MTSS1: variants seen among roughly 807,000 people sequenced by gnomAD.
MTSS1 encodes the protein MTSS I-BAR domain containing 1.
MTSS1 carries 18 observed loss-of-function variants against 79.0 expected under a neutral mutation model. The observed-to-expected ratio is 0.23, with a 90% CI of 0.16 to 0.34. MTSS1 has a LOEUF of 0.34. Among genes scored for constraint, MTSS1 ranks in the 10% least tolerant of loss-of-function variants. MTSS1 has a pLI of 1.00. For missense variants in MTSS1, 815 were observed against 986.2 expected, an observed-to-expected ratio of 0.83 and a Z score of 2.33; for synonymous variants, 341 against 368.6, an observed-to-expected ratio of 0.93 and a Z score of 0.86.
intron 4 of MTSS1, 143 bp downstream of exon 4, chr8:124,591,008 C>T: frequency 1.5e-6 from 1 of 656,860 alleles, no homozygotes. Context: ...TGGTATGCAG[C>T]AGATGCCTAA....
chr8:124,689,525 C>T (rs1377582737), intron 3 of MTSS1, among the ~76,000 whole-genome samples: 6 of 151,940 alleles, frequency 3.9e-5, no homozygotes, highest in African/African-American at 1.5e-4. Flanking sequence ...GCAGGCGGAT[C>T]ACCTGAGGTC....
At chr8:124,656,781 C>CAAAAAAAAAAAAAAA (rs59332225) in intron 3 of MTSS1, among the ~76,000 whole-genome samples, 33 of 51,338 alleles carry the variant, frequency 6.4e-4, no homozygotes, top group East Asian at 1.2e-3. Flanking sequence ...GACTCCATCT[C>CAAAAAAAAAAAAAAA]AAAAAAAAAA....
At chr8:124,599,600 C>A (rs983323774) in intron 3 of MTSS1, among the ~76,000 whole-genome samples, 1 of 151,814 alleles carries the variant, frequency 6.6e-6, no homozygotes, top group Non-Finnish European at 1.5e-5. Context: ...CCAAATATAA[C>A]AAATGTGAGT....
rs778518511 is a variant in MTSS1, at chr8:124,555,999, G to A, written c.1405-95C>T. 2.1e-5 allele frequency: 33 copies of A among 1,556,890 alleles called. No homozygotes were observed. The Middle Eastern group carries it at 5.0e-4, about 24-fold the overall frequency. ...CCCGTGAGCACTACATGTCTGTGGG[G>A]CCAGGGGGCTATTGACTTGCTTGGG... On this transcript the variant is annotated intron_variant, in intron 12 of 13. Transcript: ENST00000518547.
chr8:124,558,971 G>C (rs1173731503), intron 10 of MTSS1: 1 of 1,193,766 alleles, frequency 8.4e-7, no homozygotes, highest in Non-Finnish European at 1.1e-6. Flanking sequence ...CATATACACA[G>C]AAGAGGGGAG....
In MTSS1 at chr8:124,562,915, T is replaced by A; in HGVS notation, c.902A>T (p.Tyr301Phe). 6.2e-7 allele frequency: 1 copy of A among 1,613,918 alleles called. No homozygotes were observed. Among genetic ancestry groups the A allele is most frequent in the African/African-American group, 1.3e-5 (1 of 75,022 alleles). ...HSHSPSSHYR[Y>F]RSSNLAQQAP... ...CTGCTGGGCCAGGTTGGAGCTGCGG[T>A]AGCGGTAATGTGAGCTGGGGGAATG... is the stretch of plus-strand genomic sequence containing the variant. Residue 301 changes from tyrosine (Y) to phenylalanine (F), a missense_variant, in exon 10 of 14, where the codon TAC (tyrosine) becomes TTC (phenylalanine). Physicochemically the swap from Tyr to Phe is conservative, Grantham distance 22. Transcript: ENST00000518547.
At chr8:124,619,822 C>T (rs1419917598) in intron 3 of MTSS1, among the ~76,000 whole-genome samples, 1 of 152,244 alleles carries the variant, frequency 6.6e-6, no homozygotes. Context: ...ATGAGTCCAA[C>T]ACATTGCTGA....
chr8:124,565,463 T>C, intron 9 of MTSS1, among the ~76,000 whole-genome samples, 199 bp downstream of exon 9: 1 of 152,216 alleles, frequency 6.6e-6, no homozygotes, highest in East Asian at 1.9e-4. Context: ...CAAGGGCTAA[T>C]GGGGTTTTCT....
At chr8:124,604,445 A>T (rs144582380) in intron 3 of MTSS1, among the ~76,000 whole-genome samples, 2 of 152,334 alleles carry the variant, frequency 1.3e-5, no homozygotes, top group African/African-American at 4.8e-5. Flanking sequence ...TCCTTAGGAC[A>T]AAGGTAAAAG....
At chr8:124,571,425 C>G (rs1271076025) in intron 6 of MTSS1, among the ~76,000 whole-genome samples, 1 of 152,248 alleles carries the variant, frequency 6.6e-6, no homozygotes, top group East Asian at 1.9e-4. Flanking sequence ...AGCAGCCAAA[C>G]AGCATGGCCA....
At chr8:124,692,752 A>G (rs1828162773) in intron 3 of MTSS1, among the ~76,000 whole-genome samples, 1 of 152,194 alleles carries the variant, frequency 6.6e-6, no homozygotes, top group Non-Finnish European at 1.5e-5. Flanking sequence ...CCCCATCCCA[A>G]CAGCCCCTTG....
chr8:124,595,327 T>G (rs924091144), intron 3 of MTSS1, among the ~76,000 whole-genome samples: 2 of 152,184 alleles, frequency 1.3e-5, no homozygotes, highest in African/African-American at 4.8e-5. Flanking sequence ...TATCTTATAG[T>G]TCTGGAAGTC....
chr8:124,561,356 T>C (rs1458621464), intron 10 of MTSS1, among the ~76,000 whole-genome samples: 1 of 152,134 alleles, frequency 6.6e-6, no homozygotes, highest in Non-Finnish European at 1.5e-5. Context: ...AGGTGGAGGT[T>C]ACAGTGAGCC....
chr8:124,613,427 C>G (rs952078107), intron 3 of MTSS1, among the ~76,000 whole-genome samples: 1 of 152,240 alleles, frequency 6.6e-6, no homozygotes, highest in African/African-American at 2.4e-5. Flanking sequence ...TAGACCTCTT[C>G]ACTGCCTTTG....
intron 10 of MTSS1, among the ~76,000 whole-genome samples, chr8:124,561,464 A>C (rs138428047): frequency 1.2e-4 from 18 of 152,250 alleles, no homozygotes; most frequent in Admixed American, 2.6e-4. Flanking sequence ...GTTGCTAGCC[A>C]CGCATGTCTT....
chr8:124,669,709 T>C lies in MTSS1; in HGVS notation c.208+29817A>G, dbSNP rs114466101. Among the ~76,000 whole-genome samples the C allele has an allele frequency of 1.6e-3, 243 of 152,344 alleles. 2 individuals are homozygous for C. The highest frequency in any genetic ancestry group is 5.4e-3 in the African/African-American group (223 of 41,582). The stretch of plus-strand genomic sequence containing the variant: ...GGACACAAAGCAAAGCAATGACCTT[T>C]ATAGATCATGTGCTAAAATCTGCTG... On this transcript the variant is annotated intron_variant, in intron 3 of 13. Coordinates refer to ENST00000518547, the MANE Select transcript of MTSS1 (RefSeq NM_014751.6).
intron 1 of MTSS1, among the ~76,000 whole-genome samples, chr8:124,721,471 G>A (rs1832928800): frequency 1.3e-5 from 2 of 148,432 alleles, no homozygotes; most frequent in Admixed American, 1.4e-4. Context: ...GTGCAGTGGC[G>A]TGATCTCAGC....
intron 3 of MTSS1, among the ~76,000 whole-genome samples, chr8:124,608,615 G>A (rs960130707): frequency 6.6e-6 from 1 of 152,140 alleles, no homozygotes; most frequent in Non-Finnish European, 1.5e-5. Context: ...AACACTTAAG[G>A]CCTATGCAAA....
intron 3 of MTSS1, among the ~76,000 whole-genome samples, chr8:124,661,849 T>C (rs1220240559): frequency 1.3e-5 from 2 of 152,208 alleles, no homozygotes; most frequent in Admixed American, 1.3e-4. Context: ...GGCCCACATC[T>C]GTCTGCATTT....
Sources: allele counts gnomAD v4.1 joint callset (sites outside exome capture counted in the v4.1 genomes callset), GRCh38; gene constraint gnomAD v4.1.1; transcripts MANE v1.5; gene names NCBI Gene and HGNC (gene_info 2026-07-23, HGNC 2026-07-21).